The following LDHB variants were observed in gnomAD, a reference collection of about 807,000 sequenced individuals.
The protein encoded by LDHB is L-lactate dehydrogenase B chain.
Under a neutral mutation model 33.4 loss-of-function variants are expected in LDHB, and 18 were observed. The observed-to-expected ratio is 0.54, with a 90% CI of 0.37 to 0.80. The LOEUF is 0.80. Ranked by LOEUF, LDHB falls within the 30% of genes least tolerant of loss-of-function variation. LDHB has a pLI of 0.00. For synonymous variants in LDHB, 121 were observed against 140.6 expected (o/e 0.86, Z 0.98); for missense variants, 345 against 407.9 (o/e 0.85, Z 1.33).
chr12:21,646,222 T>C (rs1303089675), intron 3 of LDHB, among the ~76,000 whole-genome samples: 1 of 152,212 alleles, frequency 6.6e-6, no homozygotes, highest in African/African-American at 2.4e-5. Flanking sequence ...AATTGAGAGC[T>C]GTGCAGGCCC....
intron 2 of LDHB, among the ~76,000 whole-genome samples, chr12:21,649,669 AG>A (rs1938624516): frequency 5.0e-5 from 1 of 20,122 alleles, no homozygotes; most frequent in South Asian, 7.2e-3. Context: ...CTCCTGTGAC[AG>A]ACTTAAAAAA....
chr12:21,654,662 G>C lies in LDHB; in HGVS notation c.10C>G (p.Leu4Val). Residue 4 changes from leucine (L) to valine (V), a missense_variant, in exon 2 of 8, where the codon CTT becomes GTT. Leu to Val is a conservative substitution (Grantham distance 32). Transcript: ENST00000350669. MAT[L>V]KEKLIAPVAE... ...ACTGGTGCAATGAGTTTTTCCTTAA[G>C]AGTTGCCATTTTGCACTGCAAGGAA... 1 of 1,613,730 alleles carries C rather than the reference G, an allele frequency of 6.2e-7. No homozygotes were observed. Among genetic ancestry groups the C allele is most frequent in the Non-Finnish European group, 8.5e-7 (1 of 1,179,622 alleles).
At chr12:21,646,359 G>A (rs1443960294) in intron 3 of LDHB, among the ~76,000 whole-genome samples, 1 of 152,242 alleles carries the variant, frequency 6.6e-6, no homozygotes, top group Admixed American at 6.5e-5. Context: ...TAGTGTGGCA[G>A]TGTGGAGTGT....
chr12:21,635,834 G>A, intron 7 of LDHB, 125 bp from the exon 8 acceptor site: 1 of 789,186 alleles, frequency 1.3e-6, no homozygotes, highest in East Asian at 2.7e-5. Context: ...AGCTATGACA[G>A]CGGTACTACT....
chr12:21,638,642 C>T (rs1249430412), intron 5 of LDHB, 172 bp from the exon 6 acceptor site: 9 of 588,544 alleles, frequency 1.5e-5, no homozygotes, highest in Non-Finnish European at 2.4e-5. Flanking sequence ...AAAAGGCTGA[C>T]GTTTGCCTTC....
intron 3 of LDHB, among the ~76,000 whole-genome samples, chr12:21,644,437 A>AC (rs1565627637): frequency 1.1e-4 from 16 of 142,874 alleles, no homozygotes; most frequent in African/African-American, 1.5e-4. Flanking sequence ...AAAAAAAAAA[A>AC]AAAAAAAACA....
In LDHB at chr12:21,644,040, T is replaced by C. The variant is rs555915286; in HGVS notation, c.316A>G (p.Ser106Gly). Residue 106 changes from serine (S) to glycine (G), a missense_variant, in exon 4 of 8, where the codon AGT (serine) becomes GGT (glycine). Ser to Gly is a moderately conservative substitution (Grantham distance 56). Transcript: ENST00000350669. ...TTTCTCTGCACCAGATTGAGCCGACTCTCCCCTTCTTGCTGACGGACTCCT... is the reference window on the plus strand; with the variant it reads ...TTTCTCTGCACCAGATTGAGCCGACCCTCCCCTTCTTGCTGACGGACTCCT... Reference protein sequence around the residue: ...TAGVRQQEGESRLNLVQRNVN... With the variant: ...TAGVRQQEGEGRLNLVQRNVN... 1.9e-6 allele frequency: 3 copies of C among 1,612,746 alleles called. No individual in the cohort carries two copies. Among genetic ancestry groups the C allele is most frequent in the South Asian group, 1.1e-5 (1 of 91,050 alleles).
chr12:21,647,564 C>A (rs1458129387), intron 2 of LDHB, among the ~76,000 whole-genome samples: 2 of 152,128 alleles, frequency 1.3e-5, no homozygotes, highest in African/African-American at 4.8e-5. Flanking sequence ...CACTCCAAAT[C>A]TGTGCCTGAG....
rs1938617984 is a variant in LDHB, at chr12:21,649,372, C to T, written c.130-2356G>A. Among the ~76,000 whole-genome samples, 5 of 152,130 alleles carry T rather than the reference C, an allele frequency of 3.3e-5. No individual in the cohort carries two copies. In the South Asian group the frequency reaches 1.0e-3, roughly 32 times the overall value. ...AGCTGCATCCGCAGCACTGAATATC[C>T]CCCAAATGGAGAGGCGTGATGTGTG... is the stretch of plus-strand genomic sequence containing the variant. On this transcript the variant is annotated intron_variant, in intron 2 of 7. Coordinates refer to ENST00000350669, the MANE Select transcript of LDHB (RefSeq NM_002300.8).
chr12:21,651,161 G>A (rs1042024003), intron 2 of LDHB, among the ~76,000 whole-genome samples: 2 of 152,238 alleles, frequency 1.3e-5, no homozygotes, highest in Admixed American at 6.5e-5. Flanking sequence ...GTACCATCAT[G>A]TTGCACTGGC....
At chr12:21,647,996 T>G (rs1415039554) in intron 2 of LDHB, among the ~76,000 whole-genome samples, 1 of 149,726 alleles carries the variant, frequency 6.7e-6, no homozygotes, top group Non-Finnish European at 1.5e-5. Context: ...GGAATCATAA[T>G]TTTTTAAATT....
intron 6 of LDHB, 55 bp from the exon 7 acceptor site, chr12:21,637,249 C>G: frequency 7.2e-7 from 1 of 1,385,742 alleles, no homozygotes; most frequent in Non-Finnish European, 1.0e-6. Context: ...TTATTGAAAC[C>G]AGACCTGACT....
chr12:21,646,412 T>C (rs1191666065), intron 3 of LDHB, among the ~76,000 whole-genome samples: 2 of 152,176 alleles, frequency 1.3e-5, no homozygotes, highest in African/African-American at 4.8e-5. Flanking sequence ...AATGGGAAAA[T>C]GTCAATTTGC....
chr12:21,656,500 G>A (rs886769247), intron 1 of LDHB, among the ~76,000 whole-genome samples: 3 of 152,200 alleles, frequency 2.0e-5, no homozygotes, highest in African/African-American at 7.2e-5. Context: ...TTGTTAGATG[G>A]TCTGTTTACG....
intron 3 of LDHB, among the ~76,000 whole-genome samples, chr12:21,645,234 T>TACGG (rs1938486660): frequency 7.4e-5 from 1 of 13,472 alleles, no homozygotes; most frequent in Non-Finnish European, 1.8e-3. Context: ...CACAGTACAC[T>TACGG]ATGGAAGGCC....
At chr12:21,646,646 G>A (rs1393643482) in intron 3 of LDHB, among the ~76,000 whole-genome samples, 1 of 152,158 alleles carries the variant, frequency 6.6e-6, no homozygotes, top group Non-Finnish European at 1.5e-5. Flanking sequence ...GTAGAATACA[G>A]TAGAGAAGTA....
chr12:21,644,032 G>A lies in LDHB; in HGVS notation c.324C>T (p.Leu108=), dbSNP rs1278032400. 1.2e-6 allele frequency: 2 copies of A among 1,612,352 alleles called. No individual in the cohort carries two copies. Among genetic ancestry groups the A allele is most frequent in the African/African-American group, 1.3e-5 (1 of 74,858 alleles). The change falls in exon 4 of 8, where the codon CTC becomes CTT. Residue 108 remains leucine, a synonymous_variant. Transcript: ENST00000350669. ...CATTAACATTTCTCTGCACCAGATT[G>A]AGCCGACTCTCCCCTTCTTGCTGAC... ...GVRQQEGESR[L]NLVQRNVNVF...
chr12:21,653,604 A>G (rs531236273), intron 2 of LDHB, among the ~76,000 whole-genome samples: 1 of 152,248 alleles, frequency 6.6e-6, no homozygotes, highest in Admixed American at 6.5e-5. Context: ...ATGTATTTCT[A>G]TAGATCTCTG....
intron 2 of LDHB, among the ~76,000 whole-genome samples, chr12:21,650,146 A>AT (rs1565629873): frequency 2.6e-4 from 39 of 148,682 alleles, no homozygotes; most frequent in African/African-American, 9.8e-4. Context: ...ACACACACAC[A>AT]CACACGTCTC....
Sources: allele counts gnomAD v4.1 joint callset (sites outside exome capture counted in the v4.1 genomes callset), GRCh38; gene constraint gnomAD v4.1.1; transcripts MANE v1.5; gene names NCBI Gene and HGNC (gene_info 2026-07-23, HGNC 2026-07-21).